The following GFPT2 variants were observed in gnomAD, a reference collection of about 807,000 sequenced individuals.
The protein encoded by GFPT2 is glutamine--fructose-6-phosphate aminotransferase [isomerizing] 2.
Under a neutral mutation model 85.6 loss-of-function variants are expected in GFPT2, and 62 were observed. The ratio of observed to expected loss-of-function variants is 0.72; its 90% CI spans 0.59 to 0.90. The LOEUF (loss-of-function observed/expected upper bound fraction) is 0.90, where lower values mean the gene tolerates loss of function less well. GFPT2 is among the 40% of genes least tolerant of loss of function. The probability of loss-of-function intolerance (pLI) is 0.00; values close to 1 mark genes in which losing one functional copy is unlikely to be tolerated. For missense variants in GFPT2, 788 were observed against 893.4 expected (o/e 0.88, Z 1.50); for synonymous variants, 368 against 344.5 (o/e 1.07, Z -0.75).
intron 2 of GFPT2, 124 bp downstream of exon 2, chr5:180,338,369 A>C (rs1764443473): frequency 2.1e-6 from 1 of 484,484 alleles, no homozygotes; most frequent in African/African-American, 2.0e-5. Context: ...TTTTATATTG[A>C]AAAGAGACGT....
intron 7 of GFPT2, among the ~76,000 whole-genome samples, chr5:180,327,615 TGTCACTAA>T (rs1472445382): frequency 2.6e-5 from 4 of 152,216 alleles, no homozygotes; most frequent in Non-Finnish European, 5.9e-5. Flanking sequence ...CCAGGTCAGA[TGTCACTAA>T]GTCCCCAGGG....
chr5:180,312,562 G>GCCT lies in GFPT2; in HGVS notation c.1432-19_1432-18insAGG. Reference sequence around the variant, plus strand: ...GTATAAGCCTGTGCACAAAGAAGGAGGTGGCAGGGACCTTATTTTCACTTT... The same window carrying GCCT: ...GTATAAGCCTGTGCACAAAGAAGGAGCCTGTGGCAGGGACCTTATTTTCACTTT... On this transcript the variant is annotated intron_variant, in intron 14 of 18. Transcript: ENST00000253778. 1 of 1,265,494 alleles carries GCCT rather than the reference G, an allele frequency of 7.9e-7. No individual in the cohort carries two copies. The highest frequency in any genetic ancestry group is 1.2e-6 in the Non-Finnish European group (1 of 862,852). 78.4% of individuals were successfully genotyped at this position (1,265,494 alleles called of 1,614,324 possible).
At position 180,320,032 on chromosome 5, in the gene GFPT2, G is replaced by A. The variant is rs370047663; in HGVS notation, c.795-1076C>T. 3.7e-3 allele frequency among the ~76,000 whole-genome samples: 556 copies of A among 151,990 alleles called. 3 individuals carry two copies. Among genetic ancestry groups the A allele is most frequent in the African/African-American group, 0.012 (491 of 41,464 alleles). The stretch of plus-strand genomic sequence containing the variant: ...TTTTGAGACAGAGTCTCGCTCTGTC[G>A]CCCAGGCTGGAGTGCAGTGGCGCGA... On this transcript the variant is annotated intron_variant, in intron 9 of 18. Coordinates refer to ENST00000253778, the MANE Select transcript of GFPT2 (RefSeq NM_005110.4).
At chr5:180,352,676 G>C in intron 1 of GFPT2, 1 of 437,612 alleles carries the variant, frequency 2.3e-6, no homozygotes, top group South Asian at 1.6e-5. Flanking sequence ...CGAGGAGGAC[G>C]CGCAGGCCCT....
chr5:180,335,524 C>T (rs912452767), intron 4 of GFPT2, among the ~76,000 whole-genome samples: 14 of 152,234 alleles, frequency 9.2e-5, no homozygotes, highest in African/African-American at 2.9e-4. Flanking sequence ...CAGTCCCTCA[C>T]GCGGCCTCAT....
chr5:180,351,461 T>C (rs1029848311), intron 1 of GFPT2, among the ~76,000 whole-genome samples: 22 of 152,250 alleles, frequency 1.4e-4, no homozygotes, highest in East Asian at 7.7e-4. Context: ...ATCTGGGAAT[T>C]CTGAGAAGGC....
intron 13 of GFPT2, among the ~76,000 whole-genome samples, chr5:180,314,794 C>T (rs1014437674): frequency 7.9e-5 from 12 of 152,174 alleles, no homozygotes; most frequent in African/African-American, 2.4e-5. Context: ...TTCTGTCACC[C>T]GCGCCCTAGG....
chr5:180,338,000 T>C (rs1031738144), intron 2 of GFPT2, among the ~76,000 whole-genome samples: 3 of 152,110 alleles, frequency 2.0e-5, no homozygotes, highest in Admixed American at 6.5e-5. Context: ...GGTGTGGTGG[T>C]GCACGCCTGT....
intron 1 of GFPT2, among the ~76,000 whole-genome samples, chr5:180,350,986 A>G (rs1476197679): frequency 6.6e-6 from 1 of 152,248 alleles, no homozygotes; most frequent in Non-Finnish European, 1.5e-5. Flanking sequence ...GCAGGGCCTC[A>G]GCTTCCCCAG....
At chr5:180,302,321 T>G in intron 18 of GFPT2, 102 bp downstream of exon 18, 1 of 809,922 alleles carries the variant, frequency 1.2e-6, no homozygotes, top group Admixed American at 2.7e-5. Flanking sequence ...TTAAATAAAA[T>G]TATTTACTCT....
intron 13 of GFPT2, among the ~76,000 whole-genome samples, chr5:180,314,797 G>A (rs866365655): frequency 2.0e-5 from 3 of 152,158 alleles, no homozygotes; most frequent in African/African-American, 7.2e-5. Context: ...TGTCACCCGC[G>A]CCCTAGGGTT....
At position 180,317,505 on chromosome 5, in the gene GFPT2, A is replaced by G. The variant is rs1370605036; in HGVS notation, c.959-447T>C. 2.8e-5 allele frequency among the ~76,000 whole-genome samples: 4 copies of G among 145,192 alleles called. 1 individual carries two copies. Among genetic ancestry groups the G allele is most frequent in the Non-Finnish European group, 2.9e-5 (2 of 67,970 alleles). On this transcript the variant is annotated intron_variant, in intron 10 of 18. Coordinates refer to ENST00000253778, the MANE Select transcript of GFPT2 (RefSeq NM_005110.4). ...CCGGGCGCAGTGGCTCACGCCTGTAATCCCAGCACTTTGGGAGGCCGAGGC... is the reference window on the plus strand; with the variant it reads ...CCGGGCGCAGTGGCTCACGCCTGTAGTCCCAGCACTTTGGGAGGCCGAGGC...
At chr5:180,348,542 G>A (rs535109260) in intron 1 of GFPT2, among the ~76,000 whole-genome samples, 5 of 152,326 alleles carry the variant, frequency 3.3e-5, no homozygotes, top group African/African-American at 9.6e-5. Flanking sequence ...AGGAGCCTGC[G>A]GGCCTGGCGG....
At chr5:180,353,087 G>A (rs1344629976) in intron 1 of GFPT2, 124 bp downstream of exon 1, 7 of 785,416 alleles carry the variant, frequency 8.9e-6, no homozygotes, top group African/African-American at 1.8e-5. Context: ...GTAGGGGCCC[G>A]GGGCAGATCG....
rs192313529 is a variant in GFPT2 at position 180,302,663 on chromosome 5, C to G, written c.1843-79G>C. 10 of 1,154,216 alleles carry G rather than the reference C, an allele frequency of 8.7e-6. No homozygotes were observed. The Admixed American group carries it at 1.7e-4, about 20-fold the overall frequency. 71.5% of individuals were successfully genotyped at this position (1,154,216 alleles called of 1,614,324 possible). On this transcript the variant is annotated intron_variant, in intron 17 of 18. Transcript: ENST00000253778. Reference sequence around the variant, plus strand: ...CTGATGCATACAGAGTATCTGGAAGCTACATTACTGTGATGAGAACAGTCC... The same window carrying G: ...CTGATGCATACAGAGTATCTGGAAGGTACATTACTGTGATGAGAACAGTCC...
At chr5:180,315,468 G>C (rs113786253) in intron 13 of GFPT2, among the ~76,000 whole-genome samples, 1 of 151,704 alleles carries the variant, frequency 6.6e-6, no homozygotes, top group African/African-American at 2.4e-5. Flanking sequence ...GTGAGCCACC[G>C]CGCCCGGCCG....
chr5:180,330,847 G>A lies in GFPT2; in HGVS notation c.400-13C>T. On this transcript the variant is annotated splice_polypyrimidine_tract_variant and intron_variant, in intron 5 of 18. Transcript: ENST00000253778. This position sits in a 1 kb window ranked among gnomAD's most constrained non-coding sequence, Gnocchi z 4.4. ...AGCCTTTGCTTTCCTGGAATATGCA[G>A]TCGGCACAGTGTGAGAGATTGGTCA... 1 of 1,613,368 alleles carries A rather than the reference G, an allele frequency of 6.2e-7. No homozygotes were observed. The highest frequency in any genetic ancestry group is 8.5e-7 in the Non-Finnish European group (1 of 1,179,380).
chr5:180,317,721 A>C (rs4700940), intron 10 of GFPT2, among the ~76,000 whole-genome samples: 2 of 97,322 alleles, frequency 2.1e-5, no homozygotes, highest in African/African-American at 4.5e-5. Flanking sequence ...ATCGCGCCAC[A>C]GCACTCCAGC....
At chr5:180,340,553 C>T (rs538880624) in intron 1 of GFPT2, among the ~76,000 whole-genome samples, 10 of 144,764 alleles carry the variant, frequency 6.9e-5, no homozygotes, top group Non-Finnish European at 9.0e-5. Flanking sequence ...GCTCTGTTGC[C>T]CAGGCTGGAG....
Sources: gnomAD v4.1 joint callset for allele counts (sites outside exome capture counted in the v4.1 genomes callset) on GRCh38, gnomAD v4.1.1 for gene constraint, Gnocchi (gnomAD v3.1) non-coding constraint, MANE v1.5 for transcripts, NCBI Gene and HGNC (gene_info 2026-07-23, HGNC 2026-07-21) for gene names.